Variants in ACCSL observed in about 807,000 individuals in gnomAD.
ACCSL encodes the protein probable inactive 1-aminocyclopropane-1-carboxylate synthase-like protein 2.
In ACCSL, 55 loss-of-function variants were observed where a neutral mutation model predicts 61.7. The ratio of observed to expected loss-of-function variants is 0.89; its 90% CI spans 0.72 to 1.12. The LOEUF (loss-of-function observed/expected upper bound fraction) is 1.12. Among genes scored for constraint, ACCSL ranks in the 50% most tolerant of loss-of-function variants. ACCSL has a pLI of 0.00. For missense variants in ACCSL, 632 were observed against 698.0 expected (o/e 0.91, Z 1.07); for synonymous variants, 258 against 264.3 (o/e 0.98, Z 0.23).
At chr11:43,923,274 G>T in the ACCSL span, among the ~76,000 whole-genome samples, 6 of 152,194 alleles carry the variant, frequency 3.9e-5, no homozygotes, top group Non-Finnish European at 8.8e-5. Flanking sequence ...TTTCTTCTTT[G>T]AGTTCTGGCA....
chr11:43,946,594 C>A, the ACCSL span, among the ~76,000 whole-genome samples: 1 of 152,228 alleles, frequency 6.6e-6, no homozygotes, highest in South Asian at 2.1e-4. Flanking sequence ...TTTCAACCTG[C>A]TTTTTAAATT....
the ACCSL span, among the ~76,000 whole-genome samples, chr11:43,942,075 T>TGCGTGC: frequency 1.7e-4 from 23 of 139,010 alleles, no homozygotes; most frequent in African/African-American, 6.1e-4. Flanking sequence ...TGTGTGTGTG[T>TGCGTGC]GCGCGCGCGC....
At chr11:43,942,805 C>A in the ACCSL span, 1 of 848,278 alleles carries the variant, frequency 1.2e-6, no homozygotes, top group Non-Finnish European at 1.5e-6. Context: ...CCCCGCCCGG[C>A]GAGCCCCCGG....
the ACCSL span, chr11:43,942,741 G>A: frequency 7.0e-6 from 1 of 143,186 alleles, no homozygotes; most frequent in Non-Finnish European, 1.5e-5. Context: ...CCCTCCCGAG[G>A]AGCGCCGGCC....
the ACCSL span, among the ~76,000 whole-genome samples, chr11:43,952,620 C>G: frequency 6.6e-6 from 1 of 152,330 alleles, no homozygotes; most frequent in South Asian, 2.1e-4. Context: ...CGCCTGCTTG[C>G]TCAATTGATC....
chr11:44,058,649 C>A lies in ACCSL; in HGVS notation c.1574C>A (p.Pro525Gln). ...SRGKTYMCKEPGWFCLIFADE... is the reference protein window; with the variant it reads ...SRGKTYMCKEQGWFCLIFADE... ...GGCAAAACCTACATGTGTAAGGAGC[C>A]AGGCTGGTTCTGCCTCATCTTTGCA... The change falls in exon 13 of 14, where the codon CCA (proline) becomes CAA (glutamine). Residue 525 changes from proline to glutamine, a missense_variant. Coordinates refer to ENST00000378832, the MANE Select transcript of ACCSL (RefSeq NM_001031854.2). The A allele has an allele frequency of 6.2e-7, 1 of 1,614,068 alleles. No homozygotes were observed.
At chr11:44,049,923 T>C in intron 1 of ACCSL, 139 bp from the exon 2 acceptor site, 3 of 1,162,352 alleles carry the variant, frequency 2.6e-6, no homozygotes, top group Non-Finnish European at 3.8e-6. Context: ...ATGGAAAGCT[T>C]TCCTAACGTG....
chr11:44,020,560 G>A, the ACCSL span, among the ~76,000 whole-genome samples: 2 of 151,928 alleles, frequency 1.3e-5, no homozygotes, highest in Non-Finnish European at 1.5e-5. Flanking sequence ...TGTTTTTCCC[G>A]TGCCTATGAA....
the ACCSL span, among the ~76,000 whole-genome samples, chr11:43,937,032 C>T: frequency 6.6e-6 from 1 of 152,132 alleles, no homozygotes; most frequent in Non-Finnish European, 1.5e-5. Flanking sequence ...GGGAACCTCC[C>T]ATCCAGGGGA....
At chr11:43,983,877 A>G in the ACCSL span, among the ~76,000 whole-genome samples, 1 of 152,084 alleles carries the variant, frequency 6.6e-6, no homozygotes, top group African/African-American at 2.4e-5. Context: ...GGACTTTGGG[A>G]GGCTGAGGCA....
the ACCSL span, among the ~76,000 whole-genome samples, chr11:44,001,576 G>C: frequency 3.3e-5 from 5 of 151,934 alleles, no homozygotes; most frequent in Non-Finnish European, 7.4e-5. Flanking sequence ...GTCTGGCCTC[G>C]GCGTGTCCAT....
the ACCSL span, among the ~76,000 whole-genome samples, chr11:44,033,761 T>G: frequency 3.3e-5 from 5 of 151,342 alleles, no homozygotes; most frequent in Non-Finnish European, 7.4e-5. Flanking sequence ...AAGACCTTGT[T>G]TGGGGGGAGA....
At chr11:43,957,258 A>G in the ACCSL span, among the ~76,000 whole-genome samples, 327 of 152,228 alleles carry the variant, frequency 2.1e-3, 1 homozygote, top group African/African-American at 7.4e-3. Context: ...CAATGCATGG[A>G]AAGTATCCAT....
At chr11:44,049,280 C>T (rs1157381671) in intron 1 of ACCSL, among the ~76,000 whole-genome samples, 3 of 151,882 alleles carry the variant, frequency 2.0e-5, no homozygotes, top group Non-Finnish European at 2.9e-5. Flanking sequence ...ACTAGCCAGG[C>T]GTGGTGGCAC....
chr11:44,058,244 A>G, intron 11 of ACCSL, 73 bp from the exon 12 acceptor site: 1 of 1,513,348 alleles, frequency 6.6e-7, no homozygotes. Flanking sequence ...CCAGGAAGGG[A>G]GCATTTGGGA....
chr11:44,003,928 G>A, the ACCSL span, among the ~76,000 whole-genome samples: 1 of 152,188 alleles, frequency 6.6e-6, no homozygotes, highest in Non-Finnish European at 1.5e-5. Context: ...TCACCCTCTG[G>A]CAGCAGCCAG....
intron 10 of ACCSL, 21 bp from the exon 11 acceptor site, chr11:44,056,164 T>G (rs911857200): frequency 6.2e-7 from 1 of 1,614,044 alleles, no homozygotes; most frequent in Non-Finnish European, 8.5e-7. Flanking sequence ...CTTGTTCCTG[T>G]TCCTGCTTTT....
chr11:43,921,663 T>C, the ACCSL span, among the ~76,000 whole-genome samples: 5 of 152,268 alleles, frequency 3.3e-5, no homozygotes, highest in Middle Eastern at 3.4e-3. Context: ...CGTCCCTCTT[T>C]CTTAATGGAG....
the ACCSL span, among the ~76,000 whole-genome samples, chr11:43,998,716 C>G: frequency 6.6e-6 from 1 of 152,018 alleles, no homozygotes. Flanking sequence ...TTCATTGTCA[C>G]CTTCTTCATA....
Sources: gnomAD v4.1 joint callset for allele counts (sites outside exome capture counted in the v4.1 genomes callset) on GRCh38, gnomAD v4.1.1 for gene constraint, MANE v1.5 for transcripts, NCBI Gene and HGNC (gene_info 2026-07-23, HGNC 2026-07-21) for gene names.